The following ZNF571 variants were observed in gnomAD, a reference collection of about 807,000 sequenced individuals.
The protein encoded by ZNF571 is zinc finger protein 571.
ZNF571 carries 4 observed loss-of-function variants against 7.7 expected under a neutral mutation model. The observed-to-expected ratio is 0.52, with a 90% CI of 0.25 to 1.18. The LOEUF (loss-of-function observed/expected upper bound fraction) is 1.18, where lower values mean the gene tolerates loss of function less well. ZNF571 is among the 50% of genes most tolerant of loss of function. ZNF571 has a pLI of 0.14. For synonymous variants in ZNF571, 251 were observed against 232.4 expected, an observed-to-expected ratio of 1.08 and a Z score of -0.73; for missense variants, 704 against 726.9, an observed-to-expected ratio of 0.97 and a Z score of 0.36.
At chr19:37,583,821 T>C (rs1409979102) in intron 3 of ZNF571, 150 bp downstream of exon 3, 2 of 716,342 alleles carry the variant, frequency 2.8e-6, no homozygotes, top group Admixed American at 2.6e-5. Flanking sequence ...GTCTAAAGGA[T>C]AAGAGATAAA....
At chr19:37,567,912 A>G (rs1042031972) in intron 3 of ZNF571, among the ~76,000 whole-genome samples, 1 of 152,242 alleles carries the variant, frequency 6.6e-6, no homozygotes, top group Non-Finnish European at 1.5e-5. Context: ...CACAGTATAC[A>G]TATAATGTTT....
At chr19:37,573,698 G>A (rs186146687) in intron 3 of ZNF571, among the ~76,000 whole-genome samples, 58 of 151,110 alleles carry the variant, frequency 3.8e-4, no homozygotes, top group Middle Eastern at 6.8e-3. Context: ...CGCCATGCAT[G>A]GTGGTGCACA....
intron 3 of ZNF571, 123 bp from the exon 4 acceptor site, chr19:37,566,414 A>G: frequency 8.8e-7 from 1 of 1,135,064 alleles, no homozygotes; most frequent in Non-Finnish European, 1.2e-6. Context: ...CAGTACAGAA[A>G]TATTTTCTGC....
intron 2 of ZNF571, chr19:37,585,260 C>T (rs2043630315): frequency 6.6e-6 from 1 of 152,234 alleles, no homozygotes; most frequent in East Asian, 1.9e-4. Context: ...AACCTAATCC[C>T]TGAAACAGTA....
At chr19:37,593,491 C>T (rs749738461) in intron 1 of ZNF571, among the ~76,000 whole-genome samples, 15 of 152,154 alleles carry the variant, frequency 9.9e-5, no homozygotes, top group Non-Finnish European at 1.5e-4. Context: ...ATCACGAGGT[C>T]AGGAGATCGA....
At position 37,565,256 on chromosome 19, in the gene ZNF571, T is replaced by C. The variant is rs773638990; in HGVS notation, c.1172A>G (p.Tyr391Cys). 3.1e-6 allele frequency: 5 copies of C among 1,612,444 alleles called. No homozygotes were observed. The highest frequency in any genetic ancestry group is 1.7e-5 in the Admixed American group (1 of 59,732). The change falls in exon 4 of 4, where the codon TAT (tyrosine) becomes TGT (cysteine). Residue 391 changes from tyrosine to cysteine, a missense_variant. Tyr to Cys is a radical substitution (Grantham distance 194). Coordinates refer to ENST00000451802, the MANE Select transcript of ZNF571 (RefSeq NM_016536.5). ...GGCTTTCCCACATTCTTTGCATTTATAAGGTCTCTCACCTGAATGAACTCT... is the reference window on the plus strand; with the variant it reads ...GGCTTTCCCACATTCTTTGCATTTACAAGGTCTCTCACCTGAATGAACTCT... The part of the protein sequence containing the change: ...HLRVHSGERP[Y>C]KCKECGKAFI...
rs776398246 is a variant in ZNF571 at position 37,564,775 on chromosome 19, A to T, written c.1653T>A (p.Thr551=). ...RGSHLTEHLR[T]HTGEKPYECK... is the part of the protein sequence containing the mutation. ...ATTCATAGGGTTTCTCTCCAGTATG[A>T]GTTCTCAGATGTTCAGTAAGGTGTG... is the stretch of plus-strand genomic sequence containing the variant. The change falls in exon 4 of 4, where the codon ACT becomes ACA. Residue 551 remains threonine (T), a synonymous_variant. Transcript: ENST00000451802. The T allele has an allele frequency of 3.1e-6, 5 of 1,613,914 alleles. No individual in the cohort carries two copies. The highest frequency in any genetic ancestry group is 4.2e-6 in the Non-Finnish European group (5 of 1,179,922).
At chr19:37,581,018 AT>A (rs991964639) in intron 3 of ZNF571, among the ~76,000 whole-genome samples, 1 of 152,118 alleles carries the variant, frequency 6.6e-6, no homozygotes, top group Non-Finnish European at 1.5e-5. Flanking sequence ...CATCCACATA[AT>A]TTTTTTCAAT....
chr19:37,566,392 G>A, intron 3 of ZNF571, 101 bp from the exon 4 acceptor site: 1 of 1,351,626 alleles, frequency 7.4e-7, no homozygotes, highest in Non-Finnish European at 1.0e-6. Context: ...ATTAAGAATA[G>A]AATGGCTTAA....
chr19:37,565,843 A>G lies in ZNF571; in HGVS notation c.585T>C (p.Tyr195=), dbSNP rs200397796. 1.2e-6 allele frequency: 2 copies of G among 1,613,788 alleles called. No individual in the cohort carries two copies. The highest frequency in any genetic ancestry group is 1.7e-6 in the Non-Finnish European group (2 of 1,179,864). ...HQRIQTGEKP[Y]ECMECGKAFG... Reference sequence around the variant, plus strand: ...AGGCCTTTCCACATTCCATACACTCATAAGGTTTCTCACCAGTCTGAATTC... The same window carrying G: ...AGGCCTTTCCACATTCCATACACTCGTAAGGTTTCTCACCAGTCTGAATTC... The change falls in exon 4 of 4, where the codon TAT becomes TAC. Residue 195 remains tyrosine (Y), a synonymous_variant. Transcript: ENST00000451802.
chr19:37,569,495 A>C lies in ZNF571; in HGVS notation c.137-3204T>G, dbSNP rs190647819. Among the ~76,000 whole-genome samples the C allele has an allele frequency of 3.9e-3, 592 of 152,292 alleles. 1 individual carries two copies. Among genetic ancestry groups the C allele is most frequent in the Non-Finnish European group, 6.5e-3 (444 of 68,024 alleles). On this transcript the variant is annotated intron_variant, in intron 3 of 3. Transcript: ENST00000451802. The surrounding 1 kb of genome is among the most constrained non-coding windows in gnomAD (Gnocchi z 4.4). ...AAATACATATTATGACTGAGTACAC[A>C]CACTCAAACATAAAACAAGGATGTC...
chr19:37,579,521 G>T (rs2043371489), intron 3 of ZNF571, among the ~76,000 whole-genome samples: 1 of 150,756 alleles, frequency 6.6e-6, no homozygotes, highest in Non-Finnish European at 1.5e-5. Context: ...AATGGTGCTG[G>T]GATAACTGGC....
rs1190624101 is a variant in ZNF571, at chr19:37,566,284, T to G, written c.144A>C (p.Glu48Asp). The change falls in exon 4 of 4, where the codon GAA becomes GAC. Residue 48 changes from glutamate (E) to aspartate (D), a missense_variant. Glu to Asp is a conservative substitution (Grantham distance 45, BLOSUM62 2). Coordinates refer to ENST00000451802, the MANE Select transcript of ZNF571 (RefSeq NM_016536.5). ...NYSNLISLDL[E>D]SSCVTKKLSP... Reference sequence around the variant, plus strand: ...ATAACTTTTTGGTCACACAACTGGATTCCAAGTCTGTAGAATAAAAAGAAA... The same window carrying G: ...ATAACTTTTTGGTCACACAACTGGAGTCCAAGTCTGTAGAATAAAAAGAAA... The G allele has an allele frequency of 6.2e-7, 1 of 1,603,700 alleles. No homozygotes were observed. Among genetic ancestry groups the G allele is most frequent in the African/African-American group, 1.3e-5 (1 of 74,408 alleles).
intron 3 of ZNF571, among the ~76,000 whole-genome samples, chr19:37,567,005 T>C (rs2042884121): frequency 6.6e-6 from 1 of 152,190 alleles, no homozygotes; most frequent in African/African-American, 2.4e-5. Context: ...GTGGTCATAA[T>C]GGCCTCCTTG....
At position 37,564,393 on chromosome 19, in the gene ZNF571, T is replaced by C. The variant is rs944745362; in HGVS notation, c.*205A>G. On this transcript the variant is annotated 3_prime_UTR_variant, in exon 4 of 4. Coordinates refer to ENST00000451802, the MANE Select transcript of ZNF571 (RefSeq NM_016536.5). Reference sequence around the variant, plus strand: ...ATGGTGAAATGGAGATGATGCTTAATAAAGGATATAATTCAGCATTATATT... The same window carrying C: ...ATGGTGAAATGGAGATGATGCTTAACAAAGGATATAATTCAGCATTATATT... 29 of 402,164 alleles carry C rather than the reference T, an allele frequency of 7.2e-5. No individual in the cohort carries two copies. Among genetic ancestry groups the C allele is most frequent in the Admixed American group, 4.1e-5 (1 of 24,280 alleles). The allele number at this position is 402,164 out of a possible 1,614,324, so 24.9% of individuals were successfully genotyped here. A position where few individuals can be genotyped will look rare whatever the true frequency, so the allele number is the denominator to read the frequency against.
chr19:37,586,481 T>C (rs1379486023), intron 2 of ZNF571, 187 bp downstream of exon 2: 3 of 644,598 alleles, frequency 4.7e-6, no homozygotes, highest in East Asian at 5.5e-5. Flanking sequence ...ATCTGAAAAC[T>C]GTTTGGAGAG....
At chr19:37,593,002 G>A (rs191717764) in intron 1 of ZNF571, among the ~76,000 whole-genome samples, 1 of 152,228 alleles carries the variant, frequency 6.6e-6, no homozygotes, top group East Asian at 1.9e-4. Flanking sequence ...CACACCTATT[G>A]TAAAAATATG....
At chr19:37,584,512 T>C (rs1263624062) in intron 2 of ZNF571, among the ~76,000 whole-genome samples, 1 of 152,190 alleles carries the variant, frequency 6.6e-6, no homozygotes, top group South Asian at 2.1e-4. Context: ...TTCCAAACAA[T>C]GTTTACCAAA....
At chr19:37,580,027 A>C (rs190739122) in intron 3 of ZNF571, among the ~76,000 whole-genome samples, 1 of 152,336 alleles carries the variant, frequency 6.6e-6, no homozygotes, top group East Asian at 1.9e-4. Context: ...TTAGCTCATA[A>C]GCTTTATCGT....
Sources: gnomAD v4.1 joint callset for allele counts (sites outside exome capture counted in the v4.1 genomes callset) on GRCh38, gnomAD v4.1.1 for gene constraint, Gnocchi (gnomAD v3.1) non-coding constraint, MANE v1.5 for transcripts, NCBI Gene and HGNC (gene_info 2026-07-23, HGNC 2026-07-21) for gene names.